The following SH3KBP1 variants were observed in gnomAD, a reference collection of about 807,000 sequenced individuals.
SH3KBP1 encodes the protein SH3 domain containing kinase binding protein 1, also known as SH3 domain-containing kinase-binding protein 1.
A neutral mutation model predicts 50.1 loss-of-function variants in SH3KBP1; 8 were observed. That is an observed-to-expected ratio of 0.16 (90% CI 0.09 to 0.29). The LOEUF is 0.29. Among genes scored for constraint, SH3KBP1 ranks in the 10% least tolerant of loss-of-function variants. SH3KBP1 has a pLI of 1.00. For synonymous variants in SH3KBP1, 227 were observed against 218.6 expected, an observed-to-expected ratio of 1.04 and a Z score of -0.34; for missense variants, 377 against 535.2, an observed-to-expected ratio of 0.70 and a Z score of 2.92.
At chrX:19,650,690 C>G (rs1459842910) in intron 6 of SH3KBP1, among the ~76,000 whole-genome samples, 1 of 112,559 alleles carries the variant, frequency 8.9e-6, no homozygotes, top group Non-Finnish European at 1.9e-5. Context: ...TTTTACAACA[C>G]TGGTATCTGA....
At chrX:19,591,971 G>T in intron 11 of SH3KBP1, 96 bp downstream of exon 11, 1 of 728,387 alleles carries the variant, frequency 1.4e-6, no homozygotes, top group South Asian at 2.2e-5. Context: ...TATTCCAAAG[G>T]AAAAGCAAAT....
intron 3 of SH3KBP1, among the ~76,000 whole-genome samples, 164 bp downstream of exon 3, chrX:19,746,154 T>A (rs1796648146): frequency 8.8e-6 from 1 of 113,162 alleles, no homozygotes; most frequent in Non-Finnish European, 1.9e-5. Flanking sequence ...ACTATACATA[T>A]AGTCACTTGC....
At chrX:19,870,149 ACAAG>A (rs1244128006) in intron 1 of SH3KBP1, among the ~76,000 whole-genome samples, 1 of 112,422 alleles carries the variant, frequency 8.9e-6, no homozygotes, top group Non-Finnish European at 1.9e-5. Flanking sequence ...AAAACTAAAA[ACAAG>A]CAAAACCAGA....
At position 19,732,647 on chromosome X, in the gene SH3KBP1, C is replaced by G. The variant is rs774029165; in HGVS notation, c.286+13671G>C. ...CACACACACACACACAGCGTTCTAT[C>G]CAAGCCAAGGAATTTTTGTTTCTAA... On this transcript the variant is annotated intron_variant, in intron 3 of 17. Coordinates refer to ENST00000397821, the MANE Select transcript of SH3KBP1 (RefSeq NM_031892.3). 4.8e-3 allele frequency among the ~76,000 whole-genome samples: 518 copies of G among 107,323 alleles called. 2 individuals carry two copies. The highest frequency in any genetic ancestry group is 0.017 in the African/African-American group (503 of 29,036). 93.2% of individuals were successfully genotyped at this position (107,323 alleles called of 115,157 possible). A position where few individuals can be genotyped will look rare whatever the true frequency, so the allele number is the denominator to read the frequency against.
intron 2 of SH3KBP1, among the ~76,000 whole-genome samples, chrX:19,757,628 C>T (rs969617035): frequency 3.3e-4 from 36 of 109,702 alleles, no homozygotes; most frequent in African/African-American, 1.0e-3. Flanking sequence ...TTTCCCTACC[C>T]GCCTCTTATG....
rs201544483 is a variant in SH3KBP1 at position 19,643,300 on chromosome X, A to ATTTTTTTTTTTTTTTTTTTTT, written c.802+2099_802+2100insAAAAAAAAAAAAAAAAAAAAA. Among the ~76,000 whole-genome samples, 4 of 86,887 alleles carry ATTTTTTTTTTTTTTTTTTTTT rather than the reference A, an allele frequency of 4.6e-5. 1 individual carries two copies. Among genetic ancestry groups the ATTTTTTTTTTTTTTTTTTTTT allele is most frequent in the African/African-American group, 1.7e-4 (3 of 17,418 alleles). The allele number at this position is 86,887 out of a possible 115,157, so 75.5% of individuals were successfully genotyped here. ...AGTGTGTGTGGGCTGAAACTGAAGA[A>ATTTTTTTTTTTTTTTTTTTTT]TTTTTTATTTTTTTTTTTTTTATTT... is the stretch of plus-strand genomic sequence containing the variant. On this transcript the variant is annotated intron_variant, in intron 7 of 17. Transcript: ENST00000397821.
intron 8 of SH3KBP1, among the ~76,000 whole-genome samples, chrX:19,608,472 T>C (rs1179177167): frequency 2.7e-5 from 3 of 109,292 alleles, no homozygotes; most frequent in African/African-American, 1.0e-4. Context: ...AATGCCTGGC[T>C]AATTTTTGTA....
chrX:19,850,573 T>C (rs2068480359), intron 1 of SH3KBP1, among the ~76,000 whole-genome samples: 1 of 112,036 alleles, frequency 8.9e-6, no homozygotes, highest in African/African-American at 3.2e-5. Context: ...GCCAACATTC[T>C]GAATTTGAGT....
Position 19,554,149 on chromosome X carries a change from TATC to T in SH3KBP1, c.1385-4069_1385-4067del, listed in dbSNP as rs770933262. Among the ~76,000 whole-genome samples, 35 of 77,031 alleles carry T rather than the reference TATC, an allele frequency of 4.5e-4. 1 individual carries two copies. The highest frequency in any genetic ancestry group is 1.5e-3 in the African/African-American group (27 of 17,947). 66.9% of individuals were successfully genotyped at this position (77,031 alleles called of 115,157 possible). Reference sequence around the variant, plus strand: ...ATATATCATATTAAAATATATTATATATCATATTAAAATATAATATATATCATA... The same window carrying T: ...ATATATCATATTAAAATATATTATATATATTAAAATATAATATATATCATA... On this transcript the variant is annotated intron_variant, in intron 13 of 17. Coordinates refer to ENST00000397821, the MANE Select transcript of SH3KBP1 (RefSeq NM_031892.3).
chrX:19,776,532 GTTTTTTTTTT>G (rs72090569), intron 2 of SH3KBP1, among the ~76,000 whole-genome samples: 13 of 25,685 alleles, frequency 5.1e-4, no homozygotes, highest in South Asian at 6.3e-3. Flanking sequence ...TGACAACCTG[GTTTTTTTTTT>G]TTTTTTTTTT....
At chrX:19,729,097 C>A (rs192055068) in intron 3 of SH3KBP1, among the ~76,000 whole-genome samples, 195 of 112,403 alleles carry the variant, frequency 1.7e-3, no homozygotes, top group African/African-American at 5.3e-3. Context: ...AAGGAGATAA[C>A]AGTCTGATTC....
intron 12 of SH3KBP1, among the ~76,000 whole-genome samples, chrX:19,584,258 A>C (rs754332560): frequency 1.9e-4 from 15 of 80,458 alleles, no homozygotes; most frequent in African/African-American, 8.3e-4. Context: ...ATAAATATAC[A>C]AAATACATAT....
intron 7 of SH3KBP1, among the ~76,000 whole-genome samples, chrX:19,632,759 T>C (rs761310535): frequency 4.4e-5 from 5 of 112,925 alleles, no homozygotes; most frequent in Non-Finnish European, 9.4e-5. Context: ...AAGCACAAGT[T>C]ACGAAGATAG....
At chrX:19,632,389 T>A in intron 7 of SH3KBP1, among the ~76,000 whole-genome samples, 1 of 112,810 alleles carries the variant, frequency 8.9e-6, no homozygotes, top group Admixed American at 9.3e-5. Flanking sequence ...AAGGTATTTA[T>A]ACATGTTACA....
In SH3KBP1 at chrX:19,708,151, A is replaced by G. The variant is rs777685888; in HGVS notation, c.287-1167T>C. On this transcript the variant is annotated intron_variant, in intron 3 of 17. Coordinates refer to ENST00000397821, the MANE Select transcript of SH3KBP1 (RefSeq NM_031892.3). The stretch of plus-strand genomic sequence containing the variant: ...ACAGGGCACATTAAGGCCCCAATGC[A>G]GGATGACATCATATAAAGGGGAAGG... Among the ~76,000 whole-genome samples the G allele has an allele frequency of 4.4e-5, 5 of 113,097 alleles. No individual in the cohort carries two copies. In the East Asian group the frequency reaches 1.4e-3, roughly 31 times the overall value.
intron 3 of SH3KBP1, among the ~76,000 whole-genome samples, chrX:19,735,489 C>T (rs967379658): frequency 9.1e-6 from 1 of 109,834 alleles, no homozygotes; most frequent in African/African-American, 3.3e-5. Flanking sequence ...ACAGGCAGTA[C>T]ATTTTTGTAT....
chrX:19,757,945 A>G (rs1025006481), intron 2 of SH3KBP1, among the ~76,000 whole-genome samples: 1 of 111,604 alleles, frequency 9.0e-6, no homozygotes, highest in Admixed American at 9.6e-5. Context: ...CGTTTCATTA[A>G]GCAGGGGAGA....
intron 5 of SH3KBP1, among the ~76,000 whole-genome samples, chrX:19,690,054 C>T (rs1480111802): frequency 3.0e-5 from 3 of 100,597 alleles, no homozygotes; most frequent in Non-Finnish European, 5.8e-5. Context: ...CTCTCTCTCT[C>T]TCTCTCTTTT....
In SH3KBP1 at chrX:19,850,863, G is replaced by C. The variant is rs772789637; in HGVS notation, c.5-14581C>G. Among the ~76,000 whole-genome samples the C allele has an allele frequency of 1.0e-4, 11 of 109,919 alleles. No homozygotes were observed. In the East Asian group the frequency reaches 2.8e-3, roughly 28 times the overall value. On this transcript the variant is annotated intron_variant, in intron 1 of 17. Coordinates refer to ENST00000397821, the MANE Select transcript of SH3KBP1 (RefSeq NM_031892.3). ...CTCAGAGGCATCCCCCAGCCTCCCC[G>C]AGACCTACTGAATCTGAGGCTGCAT...
Sources: allele counts gnomAD v4.1 joint callset (sites outside exome capture counted in the v4.1 genomes callset), GRCh38; gene constraint gnomAD v4.1.1; transcripts MANE v1.5; gene names NCBI Gene and HGNC (gene_info 2026-07-23, HGNC 2026-07-21).